The following KCND2 variants were observed in gnomAD, a reference collection of about 807,000 sequenced individuals.
The protein encoded by KCND2 is potassium voltage-gated channel subfamily D member 2.
A neutral mutation model predicts 54.4 loss-of-function variants in KCND2; 16 were observed. That is an observed-to-expected ratio of 0.29 (90% CI 0.20 to 0.45). KCND2 has a LOEUF of 0.45. Among genes scored for constraint, KCND2 ranks in the 20% least tolerant of loss-of-function variants. The pLI is 1.00. For synonymous variants in KCND2, 317 were observed against 310.7 expected (o/e 1.02, Z -0.21); for missense variants, 486 against 824.2 (o/e 0.59, Z 5.02).
chr7:120,388,911 C>CAT (rs1801031624), intron 1 of KCND2, among the ~76,000 whole-genome samples: 2 of 150,414 alleles, frequency 1.3e-5, no homozygotes, highest in African/African-American at 2.4e-5. Context: ...TATATACACA[C>CAT]ACATACATAC....
intron 1 of KCND2, among the ~76,000 whole-genome samples, chr7:120,637,328 C>T (rs1793317660): frequency 6.6e-6 from 1 of 152,070 alleles, no homozygotes; most frequent in African/African-American, 2.4e-5. Context: ...TTCTTACTTG[C>T]TAGATAAATC....
intron 1 of KCND2, among the ~76,000 whole-genome samples, chr7:120,641,828 G>A (rs1361760063): frequency 7.3e-6 from 1 of 137,574 alleles, no homozygotes; most frequent in East Asian, 2.1e-4. Context: ...AAAAACCAGT[G>A]TTCTGTGTTA....
Position 120,615,011 on chromosome 7 carries a change from C to T in KCND2, c.1116-117892C>T, listed in dbSNP as rs1038281329. Among the ~76,000 whole-genome samples, 7 of 152,164 alleles carry T rather than the reference C, an allele frequency of 4.6e-5. No individual in the cohort carries two copies. The South Asian group carries it at 1.5e-3, about 32-fold the overall frequency. ...TCAAAGAATTCAGCGTAAGAAAAGA[C>T]ATGTACGGTAGTCCAAACTAGCCTT... On this transcript the variant is annotated intron_variant, in intron 1 of 5. Coordinates refer to ENST00000331113, the MANE Select transcript of KCND2 (RefSeq NM_012281.3).
intron 1 of KCND2, among the ~76,000 whole-genome samples, chr7:120,639,309 A>C (rs1584865015): frequency 6.6e-6 from 1 of 152,182 alleles, no homozygotes; most frequent in African/African-American, 2.4e-5. Context: ...ATGGGAACTT[A>C]GGAAACTTCT....
chr7:120,398,860 A>C (rs1801198564), intron 1 of KCND2, among the ~76,000 whole-genome samples: 1 of 152,124 alleles, frequency 6.6e-6, no homozygotes, highest in Non-Finnish European at 1.5e-5. Flanking sequence ...GCAAGAAAAC[A>C]ATAGGGAAAC....
At chr7:120,565,776 A>C (rs1165551456) in intron 1 of KCND2, among the ~76,000 whole-genome samples, 1 of 152,218 alleles carries the variant, frequency 6.6e-6, no homozygotes, top group Non-Finnish European at 1.5e-5. Context: ...GATATACCTG[A>C]GAAGGAATTT....
chr7:120,306,871 T>C (rs913712900), intron 1 of KCND2, among the ~76,000 whole-genome samples: 7 of 152,080 alleles, frequency 4.6e-5, no homozygotes, highest in African/African-American at 1.7e-4. Flanking sequence ...CCACAGAGTA[T>C]TGGACTATGG....
At chr7:120,291,539 C>A (rs1799435718) in intron 1 of KCND2, among the ~76,000 whole-genome samples, 1 of 151,836 alleles carries the variant, frequency 6.6e-6, no homozygotes, top group African/African-American at 2.4e-5. Context: ...CGGTCATATA[C>A]AAAGCATAGC....
At chr7:120,278,762 T>C (rs1465891140) in intron 1 of KCND2, among the ~76,000 whole-genome samples, 1 of 151,656 alleles carries the variant, frequency 6.6e-6, no homozygotes, top group Non-Finnish European at 1.5e-5. Flanking sequence ...ACTTAATCTA[T>C]CAGAAAAATG....
intron 1 of KCND2, among the ~76,000 whole-genome samples, chr7:120,354,723 C>T (rs1270413405): frequency 6.6e-6 from 1 of 152,208 alleles, no homozygotes; most frequent in Admixed American, 6.5e-5. Flanking sequence ...TGCGGCACTT[C>T]AGCTCCCACC....
At chr7:120,620,778 A>G (rs921652328) in intron 1 of KCND2, among the ~76,000 whole-genome samples, 13 of 152,354 alleles carry the variant, frequency 8.5e-5, no homozygotes, top group Non-Finnish European at 1.3e-4. Context: ...AACTTTGTAT[A>G]TGCTACTTGA....
chr7:120,302,805 C>CAG (rs1799605645), intron 1 of KCND2, among the ~76,000 whole-genome samples: 1 of 152,104 alleles, frequency 6.6e-6, no homozygotes, highest in Non-Finnish European at 1.5e-5. Flanking sequence ...CAACCTGTAC[C>CAG]TATCTTAGGA....
intron 1 of KCND2, among the ~76,000 whole-genome samples, chr7:120,690,141 T>C (rs1792251183): frequency 6.6e-6 from 1 of 152,194 alleles, no homozygotes; most frequent in African/African-American, 2.4e-5. Flanking sequence ...GAAATGGAAA[T>C]GTTATTTATT....
chr7:120,521,381 G>A (rs754606316), intron 1 of KCND2, among the ~76,000 whole-genome samples: 13 of 151,926 alleles, frequency 8.6e-5, no homozygotes, highest in Non-Finnish European at 1.6e-4. Context: ...CTCTCATTCC[G>A]AAAATGCATC....
At chr7:120,403,972 A>G (rs1367426512) in intron 1 of KCND2, among the ~76,000 whole-genome samples, 1 of 152,140 alleles carries the variant, frequency 6.6e-6, no homozygotes, top group African/African-American at 2.4e-5. Flanking sequence ...TGTGAAATAC[A>G]AACATGATTT....
chr7:120,370,914 A>G (rs200103503), intron 1 of KCND2, among the ~76,000 whole-genome samples: 2 of 152,220 alleles, frequency 1.3e-5, no homozygotes, highest in East Asian at 1.9e-4. Flanking sequence ...AAGTGTTGAC[A>G]GTGCTGAAGG....
Position 120,423,323 on chromosome 7 carries a change from A to T in KCND2, c.1115+147576A>T, listed in dbSNP as rs532565009. 5.9e-5 allele frequency among the ~76,000 whole-genome samples: 9 copies of T among 152,298 alleles called. No homozygotes were observed. The South Asian group carries it at 1.2e-3, about 21-fold the overall frequency. ...CCTTCTTTTAACTTGGGACCAGAAC[A>T]CTGGGAGGGTTGAAGGTGAATACAA... On this transcript the variant is annotated intron_variant, in intron 1 of 5. Transcript: ENST00000331113.
At chr7:120,669,038 T>C (rs1791960849) in intron 1 of KCND2, among the ~76,000 whole-genome samples, 2 of 152,122 alleles carry the variant, frequency 1.3e-5, no homozygotes, top group African/African-American at 4.8e-5. Context: ...GATAAAGTTA[T>C]TTCCTTTTAG....
At chr7:120,732,692 A>T (rs1224011316) in intron 1 of KCND2, among the ~76,000 whole-genome samples, 1 of 152,170 alleles carries the variant, frequency 6.6e-6, no homozygotes, top group Non-Finnish European at 1.5e-5. Context: ...TTAATGTTAG[A>T]ATCACTTTCT....
Sources: allele counts gnomAD v4.1 joint callset (sites outside exome capture counted in the v4.1 genomes callset), GRCh38; gene constraint gnomAD v4.1.1; transcripts MANE v1.5; gene names NCBI Gene and HGNC (gene_info 2026-07-23, HGNC 2026-07-21).